The following PSD4 variants were observed in gnomAD, a reference collection of about 807,000 sequenced individuals.
PSD4 encodes PH and SEC7 domain-containing protein 4.
Under a neutral mutation model 112.5 loss-of-function variants are expected in PSD4, and 59 were observed. That is an observed-to-expected ratio of 0.52 (90% CI 0.43 to 0.65). PSD4 has a LOEUF of 0.65. Among genes scored for constraint, PSD4 ranks in the 30% least tolerant of loss-of-function variants. The pLI, the probability that PSD4 is intolerant of heterozygous loss-of-function variation, is 0.00. For missense variants in PSD4, 1,267 were observed against 1,352.6 expected (o/e 0.94, Z 0.99); for synonymous variants, 533 against 540.0 (o/e 0.99, Z 0.18).
chr2:113,196,126 GC>G lies in PSD4; in HGVS notation c.2226-18del. 6.2e-7 allele frequency: 1 copy of G among 1,600,210 alleles called. No homozygotes were observed. The highest frequency in any genetic ancestry group is 8.6e-7 in the Non-Finnish European group (1 of 1,168,764). On this transcript the variant is annotated intron_variant, in intron 11 of 16. Transcript: ENST00000245796. ...TCTCTTTGCATAGTCAGCACTTCCA[GC>G]CCGATTCTCTGATGTTCAGGGATGA...
At position 113,187,231 on chromosome 2, in the gene PSD4, T is replaced by C. The variant is rs45527538; in HGVS notation, c.1628+976T>C. On this transcript the variant is annotated intron_variant, in intron 5 of 16. Transcript: ENST00000245796. ...AAAGCACAGCCATGTTCCGAGTTTATCTCACCTCAGGTGGCAGGTGCATCC... is the reference window on the plus strand; with the variant it reads ...AAAGCACAGCCATGTTCCGAGTTTACCTCACCTCAGGTGGCAGGTGCATCC... Among the ~76,000 whole-genome samples the C allele has an allele frequency of 6.8e-3, 1,029 of 152,350 alleles. 14 individuals are homozygous for C. The highest frequency in any genetic ancestry group is 0.024 in the African/African-American group (998 of 41,580).
chr2:113,180,571 C>T (rs1688102119), intron 1 of PSD4, among the ~76,000 whole-genome samples: 1 of 152,176 alleles, frequency 6.6e-6, no homozygotes, highest in African/African-American at 2.4e-5. Context: ...GAGCTGCAGA[C>T]CGGAAGGTGG....
At chr2:113,185,627 C>A (rs1054251244) in intron 4 of PSD4, 187 bp downstream of exon 4, 1 of 1,548,442 alleles carries the variant, frequency 6.5e-7, no homozygotes, top group South Asian at 1.2e-5. Flanking sequence ...TACAAAAGGA[C>A]CAGCATTTCT....
chr2:113,177,422 C>G (rs1039746713), intron 1 of PSD4, among the ~76,000 whole-genome samples: 12 of 152,186 alleles, frequency 7.9e-5, no homozygotes, highest in Non-Finnish European at 4.4e-5. Flanking sequence ...AACGCCGACT[C>G]TCAGTCAAGG....
At chr2:113,181,359 G>A (rs755647793) in intron 1 of PSD4, among the ~76,000 whole-genome samples, 1 of 152,206 alleles carries the variant, frequency 6.6e-6, no homozygotes, top group Non-Finnish European at 1.5e-5. Context: ...GCTTCACAGT[G>A]TGCTTTGGAT....
chr2:113,198,924 G>A (rs1297144302), intron 15 of PSD4, 40 bp downstream of exon 15: 1 of 1,543,500 alleles, frequency 6.5e-7, no homozygotes, highest in Non-Finnish European at 8.7e-7. Flanking sequence ...GCGGAACTGG[G>A]AATGTGCACC....
intron 12 of PSD4, among the ~76,000 whole-genome samples, chr2:113,196,907 G>T (rs558564119): frequency 1.3e-5 from 2 of 152,390 alleles, no homozygotes; most frequent in Admixed American, 6.5e-5. Context: ...TTTTGATTAT[G>T]GCACCAACAT....
chr2:113,175,461 C>A (rs2104487774), intron 1 of PSD4: 1 of 152,218 alleles, frequency 6.6e-6, no homozygotes, highest in Middle Eastern at 3.4e-3. Context: ...GCTTCAGACC[C>A]CAGGTTCAGA....
Position 113,207,748 on chromosome 2 carries a change from C to T in PSD4, c.*6333C>T, listed in dbSNP as rs963503253. 1.3e-5 allele frequency: 2 copies of T among 152,002 alleles called. No individual in the cohort carries two copies. Among genetic ancestry groups the T allele is most frequent in the Non-Finnish European group, 2.9e-5 (2 of 68,014 alleles). The allele number at this position is 152,002 out of a possible 1,614,324, so 9.4% of individuals were successfully genotyped here. A position where few individuals can be genotyped will look rare whatever the true frequency, so the allele number is the denominator to read the frequency against. On this transcript the variant is annotated 3_prime_UTR_variant, in exon 17 of 17. Coordinates refer to ENST00000245796, the MANE Select transcript of PSD4 (RefSeq NM_012455.3). ...CTGGGATTACAGGCGTAAGCCACCA[C>T]GCCCCGGCCCTCTTCATTTCTTTTT...
intron 16 of PSD4, among the ~76,000 whole-genome samples, chr2:113,200,720 G>C (rs939636947): frequency 6.6e-6 from 1 of 152,220 alleles, no homozygotes; most frequent in African/African-American, 2.4e-5. Context: ...GGAGTACAGT[G>C]TTAAGTAGAT....
chr2:113,194,153 C>A (rs569364498), intron 10 of PSD4, among the ~76,000 whole-genome samples: 2 of 152,246 alleles, frequency 1.3e-5, no homozygotes, highest in African/African-American at 2.4e-5. Context: ...TGCAAATCTG[C>A]AGGCTCCCTG....
chr2:113,199,508 G>A (rs950385513), intron 16 of PSD4, among the ~76,000 whole-genome samples: 5 of 152,270 alleles, frequency 3.3e-5, no homozygotes. Context: ...AACACCCATA[G>A]CAGATGTTAT....
intron 3 of PSD4, 125 bp from the exon 4 acceptor site, chr2:113,185,240 G>T: frequency 1.3e-6 from 2 of 1,541,146 alleles, no homozygotes; most frequent in Non-Finnish European, 1.8e-6. Context: ...GAGGATGGAG[G>T]GGCTTCTGCC....
At chr2:113,194,222 T>C (rs571954112) in intron 10 of PSD4, among the ~76,000 whole-genome samples, 1 of 152,250 alleles carries the variant, frequency 6.6e-6, no homozygotes, top group African/African-American at 2.4e-5. Flanking sequence ...TTTTCTTAAG[T>C]TTTCAAGTCA....
rs1688905219 is a variant in PSD4 at position 113,209,067 on chromosome 2, G to C, written c.*7652G>C. On this transcript the variant is annotated 3_prime_UTR_variant, in exon 17 of 17. Transcript: ENST00000245796. ...AGTCTCTTTCATCTGGGCCGAGGTGGGTAATTTTCCTTAGAGTCAAGTACT... is the reference window on the plus strand; with the variant it reads ...AGTCTCTTTCATCTGGGCCGAGGTGCGTAATTTTCCTTAGAGTCAAGTACT... The C allele has an allele frequency of 6.6e-6, 1 of 152,050 alleles. No individual in the cohort carries two copies. Among genetic ancestry groups the C allele is most frequent in the Non-Finnish European group, 1.5e-5 (1 of 68,010 alleles). 9.4% of individuals were successfully genotyped at this position (152,050 alleles called of 1,614,324 possible).
intron 1 of PSD4, among the ~76,000 whole-genome samples, chr2:113,177,793 A>G (rs45567336): frequency 0.09 from 13,727 of 152,292 alleles, 747 homozygotes; most frequent in Middle Eastern, 0.17. Context: ...AGAACCTGCC[A>G]TCTTGGTGCT....
chr2:113,193,230 T>C, intron 7 of PSD4, 28 bp from the exon 8 acceptor site: 1 of 1,583,352 alleles, frequency 6.3e-7, no homozygotes. Flanking sequence ...TCCCGGGCTC[T>C]CTCCTTGACC....
intron 1 of PSD4, among the ~76,000 whole-genome samples, chr2:113,178,251 CT>C (rs1688030305): frequency 6.6e-6 from 1 of 151,988 alleles, no homozygotes; most frequent in African/African-American, 2.4e-5. Flanking sequence ...AACTACATGC[CT>C]TGTCCCCACT....
intron 1 of PSD4, among the ~76,000 whole-genome samples, chr2:113,181,345 A>C (rs977557083): frequency 1.3e-5 from 2 of 152,172 alleles, no homozygotes; most frequent in African/African-American, 4.8e-5. Flanking sequence ...CAAACAAGTT[A>C]CAAGCTTCAC....
Sources: allele counts gnomAD v4.1 joint callset (sites outside exome capture counted in the v4.1 genomes callset), GRCh38; gene constraint gnomAD v4.1.1; transcripts MANE v1.5; gene names NCBI Gene and HGNC (gene_info 2026-07-23, HGNC 2026-07-21).